Variants in PDE1A observed in about 807,000 individuals in gnomAD.
PDE1A encodes the protein phosphodiesterase 1A, also known as dual specificity calcium/calmodulin-dependent 3',5'-cyclic nucleotide phosphodiesterase 1A.
Under a neutral mutation model 61.7 loss-of-function variants are expected in PDE1A, and 35 were observed. The observed-to-expected ratio is 0.57, with a 90% CI of 0.43 to 0.75. The LOEUF is 0.75. Among genes scored for constraint, PDE1A ranks in the 30% least tolerant of loss-of-function variants. The pLI is 0.00. For synonymous variants in PDE1A, 232 were observed against 213.2 expected (o/e 1.09, Z -0.77); for missense variants, 597 against 630.6 (o/e 0.95, Z 0.57).
chr2:182,232,765 CA>C (rs1244790821), intron 4 of PDE1A, among the ~76,000 whole-genome samples: 3 of 152,190 alleles, frequency 2.0e-5, no homozygotes, highest in Non-Finnish European at 4.4e-5. Flanking sequence ...CCAAAGCTAA[CA>C]AACAAGAGTT....
chr2:182,191,571 G>A (rs1194128002), intron 10 of PDE1A, among the ~76,000 whole-genome samples: 1 of 151,866 alleles, frequency 6.6e-6, no homozygotes, highest in Admixed American at 6.6e-5. Context: ...AAAATTGTCA[G>A]TAGTCTTAGA....
At chr2:182,505,616 T>A (rs981037802) in intron 2 of PDE1A, among the ~76,000 whole-genome samples, 4 of 152,296 alleles carry the variant, frequency 2.6e-5, no homozygotes, top group African/African-American at 9.6e-5. Flanking sequence ...GTGGTTTATA[T>A]CCACCCCACA....
In PDE1A at chr2:182,246,479, C is replaced by T. The variant is rs1690984691; in HGVS notation, c.168-6187G>A. Among the ~76,000 whole-genome samples, 3 of 146,676 alleles carry T rather than the reference C, an allele frequency of 2.0e-5. No individual in the cohort carries two copies. The Admixed American group carries it at 2.1e-4, about 10-fold the overall frequency. ...AGTGCAGTGGCATGATCTCGGCTCA[C>T]TGCAGCCTCTGCCTCCCATGTTCAA... On this transcript the variant is annotated intron_variant, in intron 2 of 13. Transcript: ENST00000351439.
intron 2 of PDE1A, among the ~76,000 whole-genome samples, chr2:182,490,154 A>G (rs1688287839): frequency 6.6e-6 from 1 of 152,214 alleles, no homozygotes. Context: ...AGAAGCGAAC[A>G]TTTGACTTGG....
chr2:182,689,415 T>C, the PDE1A span, among the ~76,000 whole-genome samples: 645 of 152,084 alleles, frequency 4.2e-3, 4 homozygotes, highest in African/African-American at 0.015. Context: ...GAACACCCTG[T>C]TCCTGAATGA....
chr2:182,150,621 T>C (rs1437543704), intron 13 of PDE1A, among the ~76,000 whole-genome samples: 2 of 152,212 alleles, frequency 1.3e-5, no homozygotes, highest in South Asian at 2.1e-4. Flanking sequence ...TCTCAACCAG[T>C]TTCAAAAGTT....
chr2:182,284,962 T>C (rs1456651205), intron 1 of PDE1A, among the ~76,000 whole-genome samples: 1 of 152,154 alleles, frequency 6.6e-6, no homozygotes, highest in Non-Finnish European at 1.5e-5. Context: ...TGGTAGTTTC[T>C]TGGATAGTTA....
chr2:182,574,130 C>T, the PDE1A span, among the ~76,000 whole-genome samples: 3 of 151,846 alleles, frequency 2.0e-5, no homozygotes, highest in Non-Finnish European at 4.4e-5. Flanking sequence ...GGGCAGGAAG[C>T]ATCCAGCACG....
At chr2:182,597,717 T>A in the PDE1A span, among the ~76,000 whole-genome samples, 1 of 152,242 alleles carries the variant, frequency 6.6e-6, no homozygotes, top group Non-Finnish European at 1.5e-5. Flanking sequence ...TACTTTGAAT[T>A]ATAAACTTTT....
upstream of PDE1A, among the ~76,000 whole-genome samples, chr2:182,430,314 C>A (rs1703868771): frequency 8.0e-6 from 1 of 124,696 alleles, no homozygotes; most frequent in Non-Finnish European, 1.7e-5. Flanking sequence ...ACAGACACTT[C>A]TCAAAAGAAG....
chr2:182,179,310 C>G (rs900811077), intron 13 of PDE1A, among the ~76,000 whole-genome samples: 4 of 151,962 alleles, frequency 2.6e-5, no homozygotes, highest in Non-Finnish European at 5.9e-5. Flanking sequence ...AAAACTCCTG[C>G]TGAAACAGAA....
the PDE1A span, among the ~76,000 whole-genome samples, chr2:182,631,308 ATTC>A: frequency 9.0e-6 from 1 of 111,256 alleles, no homozygotes; most frequent in East Asian, 2.6e-4. Flanking sequence ...TAATTAATTT[ATTC>A]ATTTATTATT....
At chr2:182,226,762 C>A (rs1279649655) in intron 6 of PDE1A, among the ~76,000 whole-genome samples, 1 of 149,762 alleles carries the variant, frequency 6.7e-6, no homozygotes, top group Admixed American at 6.6e-5. Flanking sequence ...ATGAGCAATG[C>A]AACACTGTAT....
chr2:182,659,594 C>T, the PDE1A span, among the ~76,000 whole-genome samples: 1 of 152,156 alleles, frequency 6.6e-6, no homozygotes, highest in Non-Finnish European at 1.5e-5. Flanking sequence ...TTTATAAACT[C>T]TTTCTACTCA....
chr2:182,577,990 A>AAGGAAGGG, the PDE1A span, among the ~76,000 whole-genome samples: 2,987 of 137,398 alleles, frequency 0.022, 271 homozygotes, highest in African/African-American at 0.08. Flanking sequence ...GGAAGGAAGG[A>AAGGAAGGG]AGGGACGGAG....
intron 1 of PDE1A, among the ~76,000 whole-genome samples, chr2:182,268,822 C>T (rs1032926476): frequency 6.6e-6 from 1 of 152,030 alleles, no homozygotes; most frequent in Non-Finnish European, 1.5e-5. Flanking sequence ...TCACTCCCTA[C>T]ATAGAAACTA....
the PDE1A span, among the ~76,000 whole-genome samples, chr2:182,604,740 G>A: frequency 6.6e-6 from 1 of 152,048 alleles, no homozygotes; most frequent in African/African-American, 2.4e-5. Flanking sequence ...AGCCATTCCT[G>A]GTAAGAATTC....
chr2:182,205,067 A>T (rs1006878178), intron 8 of PDE1A, among the ~76,000 whole-genome samples: 9 of 152,184 alleles, frequency 5.9e-5, no homozygotes, highest in African/African-American at 2.2e-4. Flanking sequence ...CCTTGATTTA[A>T]AAAAACAAAA....
chr2:182,548,196 G>A, the PDE1A span, among the ~76,000 whole-genome samples: 1 of 152,198 alleles, frequency 6.6e-6, no homozygotes, highest in South Asian at 2.1e-4. Flanking sequence ...ATAGTGGACA[G>A]CAGATCAGCG....
Sources: gnomAD v4.1 joint callset for allele counts (sites outside exome capture counted in the v4.1 genomes callset) on GRCh38, gnomAD v4.1.1 for gene constraint, MANE v1.5 for transcripts, NCBI Gene and HGNC (gene_info 2026-07-23, HGNC 2026-07-21) for gene names.